PRKCI: variants seen among roughly 807,000 people sequenced by gnomAD.
The protein encoded by PRKCI is protein kinase C iota type.
In PRKCI, 43 loss-of-function variants were observed where a neutral mutation model predicts 84.0. That is an observed-to-expected ratio of 0.51 (90% confidence interval 0.40 to 0.66). PRKCI has a LOEUF of 0.66. PRKCI is among the 30% of genes least tolerant of loss of function. The pLI is 0.00. For synonymous variants in PRKCI, 216 were observed against 234.4 expected (o/e 0.92, Z 0.72); for missense variants, 459 against 745.6 (o/e 0.62, Z 4.48).
chr3:170,280,341 A>G lies in PRKCI; in HGVS notation c.820A>G (p.Lys274Glu), dbSNP rs750752062. The G allele has an allele frequency of 3.1e-6, 5 of 1,613,940 alleles. No individual in the cohort carries two copies. Among genetic ancestry groups the G allele is most frequent in the Non-Finnish European group, 4.2e-6 (5 of 1,179,960 alleles). Residue 274 changes from lysine (K) to glutamate (E), a missense_variant, in exon 9 of 18, where the codon AAA becomes GAA. Physicochemically the swap from Lys to Glu is moderately conservative, Grantham distance 56 (BLOSUM62 1). Coordinates refer to ENST00000295797, the MANE Select transcript of PRKCI (RefSeq NM_002740.6). The part of the protein sequence containing the change: ...SYAKVLLVRL[K>E]KTDRIYAMKV... ...TGCCAAAGTACTGTTGGTTCGATTA[A>G]AAAAAACAGATCGTATTTATGCAAT...
At chr3:170,238,218 C>G (rs1733029039) in intron 2 of PRKCI, among the ~76,000 whole-genome samples, 1 of 152,114 alleles carries the variant, frequency 6.6e-6, no homozygotes, top group South Asian at 2.1e-4. Flanking sequence ...GAAAAATTAC[C>G]TGAGCGTGGT....
rs1311978622 is a variant in PRKCI, at chr3:170,256,171, G to A, written c.224-3798G>A. The stretch of plus-strand genomic sequence containing the variant: ...TTTTTGACATATTTGTCTGGTTTTA[G>A]TAATACTGATGAGTATTACTGGGTC... On this transcript the variant is annotated intron_variant, in intron 2 of 17. Transcript: ENST00000295797. Among the ~76,000 whole-genome samples the A allele has an allele frequency of 2.0e-5, 3 of 152,110 alleles. No homozygotes were observed. The East Asian group carries it at 5.8e-4, about 29-fold the overall frequency.
Position 170,243,905 on chromosome 3 carries a change from G to A in PRKCI, c.223+8554G>A, listed in dbSNP as rs139075767. 9.0e-3 allele frequency among the ~76,000 whole-genome samples: 1,367 copies of A among 152,280 alleles called. 22 individuals are homozygous for A. Among genetic ancestry groups the A allele is most frequent in the African/African-American group, 0.031 (1,304 of 41,550 alleles). The stretch of plus-strand genomic sequence containing the variant: ...CTTTTACACACCAGGCTGTCTGGAG[G>A]CCTGGGAGAAAAAGGAATTAGACTG... On this transcript the variant is annotated intron_variant, in intron 2 of 17. Transcript: ENST00000295797.
chr3:170,271,534 T>C (rs906294947), intron 6 of PRKCI, among the ~76,000 whole-genome samples: 2 of 152,228 alleles, frequency 1.3e-5, no homozygotes, highest in African/African-American at 4.8e-5. Flanking sequence ...GATTGATCTC[T>C]TAGATATTCT....
intron 1 of PRKCI, among the ~76,000 whole-genome samples, chr3:170,228,079 A>G (rs561280417): frequency 6.6e-6 from 1 of 152,154 alleles, no homozygotes; most frequent in Non-Finnish European, 1.5e-5. Flanking sequence ...GGCTGGAACA[A>G]TTCACTGAAT....
At chr3:170,232,720 A>AT (rs1252398739) in intron 1 of PRKCI, among the ~76,000 whole-genome samples, 1 of 151,770 alleles carries the variant, frequency 6.6e-6, no homozygotes, top group Non-Finnish European at 1.5e-5. Flanking sequence ...TTACAAAAAA[A>AT]TTTTTTTTAG....
At chr3:170,235,849 G>C (rs1437448955) in intron 2 of PRKCI, among the ~76,000 whole-genome samples, 1 of 152,092 alleles carries the variant, frequency 6.6e-6, no homozygotes, top group Non-Finnish European at 1.5e-5. Flanking sequence ...GCAGGCGTGA[G>C]CCACTGTGCC....
intron 4 of PRKCI, among the ~76,000 whole-genome samples, chr3:170,263,631 G>C (rs1577357447): frequency 6.6e-6 from 1 of 152,200 alleles, no homozygotes; most frequent in South Asian, 2.1e-4. Flanking sequence ...GTGAGACCTT[G>C]TCTTTCCAAA....
In PRKCI at chr3:170,303,111, C is replaced by T; in HGVS notation, c.1775C>T (p.Ala592Val). ...FEYINPLLMSAEECV is the reference protein window; with the variant it reads ...FEYINPLLMSVEECV ...TATATCAATCCTCTTTTGATGTCTG[C>T]AGAAGAATGTGTCTGATCCTCATTT... The change falls in exon 18 of 18, where the codon GCA becomes GTA. Residue 592 changes from alanine (A) to valine (V), a missense_variant. Physicochemically the swap from Ala to Val is moderately conservative, Grantham distance 64 (BLOSUM62 0). Transcript: ENST00000295797. 1.9e-6 allele frequency: 3 copies of T among 1,600,924 alleles called. No individual in the cohort carries two copies. The highest frequency in any genetic ancestry group is 2.6e-6 in the Non-Finnish European group (3 of 1,173,594).
chr3:170,278,942 C>T (rs1481504186), intron 8 of PRKCI, among the ~76,000 whole-genome samples: 2 of 152,194 alleles, frequency 1.3e-5, no homozygotes, highest in African/African-American at 2.4e-5. Flanking sequence ...CCAAACACCT[C>T]CCACTAGGGA....
chr3:170,294,758 T>A (rs1734651977), intron 14 of PRKCI, among the ~76,000 whole-genome samples: 2 of 152,204 alleles, frequency 1.3e-5, no homozygotes, highest in Non-Finnish European at 2.9e-5. Flanking sequence ...AGTCAAAGAA[T>A]AAGACATTCA....
chr3:170,287,206 T>C (rs1266597884), intron 12 of PRKCI, among the ~76,000 whole-genome samples: 1 of 151,830 alleles, frequency 6.6e-6, no homozygotes, highest in Non-Finnish European at 1.5e-5. Context: ...TTGGTTGTGC[T>C]TGTAGTCCCA....
intron 16 of PRKCI, 120 bp from the exon 17 acceptor site, chr3:170,298,872 TATC>T (rs1369190716): frequency 1.1e-5 from 7 of 660,422 alleles, no homozygotes; most frequent in African/African-American, 1.9e-5. Context: ...TCATTGCTAA[TATC>T]ATTGAACCAT....
chr3:170,270,392 A>G, intron 5 of PRKCI, 29 bp from the exon 6 acceptor site: 4 of 1,570,846 alleles, frequency 2.5e-6, no homozygotes, highest in Admixed American at 1.7e-5. Context: ...TTCTTGGTTA[A>G]TAAAATATTG....
Position 170,268,020 on chromosome 3 carries a change from T to G in PRKCI, c.450+20T>G. On this transcript the variant is annotated intron_variant, in intron 5 of 17. Transcript: ENST00000295797. ...AACAGGGTAAACATAGTTTGTTGAA[T>G]GTCGATAATGTGAAACAGCTATTTT... is the stretch of plus-strand genomic sequence containing the variant. 1 of 1,572,272 alleles carries G rather than the reference T, an allele frequency of 6.4e-7. No individual in the cohort carries two copies. The highest frequency in any genetic ancestry group is 8.7e-7 in the Non-Finnish European group (1 of 1,149,034).
chr3:170,223,856 CTT>C (rs1188312456), intron 1 of PRKCI, among the ~76,000 whole-genome samples: 2 of 151,932 alleles, frequency 1.3e-5, no homozygotes, highest in African/African-American at 2.4e-5. Flanking sequence ...AACTACCTCT[CTT>C]GTTTTGATTT....
At chr3:170,273,644 G>A (rs866657834) in intron 7 of PRKCI, among the ~76,000 whole-genome samples, 2 of 151,582 alleles carry the variant, frequency 1.3e-5, no homozygotes, top group African/African-American at 2.4e-5. Flanking sequence ...GTAAAACCCC[G>A]TCTCTACTAA....
intron 4 of PRKCI, among the ~76,000 whole-genome samples, chr3:170,265,248 T>G (rs1733830035): frequency 6.6e-6 from 1 of 151,838 alleles, no homozygotes; most frequent in South Asian, 2.1e-4. Flanking sequence ...ACTCTTGGAC[T>G]GGGGCTGAGC....
intron 2 of PRKCI, among the ~76,000 whole-genome samples, chr3:170,239,366 A>G (rs1733061302): frequency 6.6e-6 from 1 of 152,214 alleles, no homozygotes; most frequent in African/African-American, 2.4e-5. Flanking sequence ...AATTTAGCAC[A>G]GTGTGCAACT....
Sources: allele counts gnomAD v4.1 joint callset (sites outside exome capture counted in the v4.1 genomes callset), GRCh38; gene constraint gnomAD v4.1.1; transcripts MANE v1.5; gene names NCBI Gene and HGNC (gene_info 2026-07-23, HGNC 2026-07-21).